ARHGAP8: variants seen among roughly 807,000 people sequenced by gnomAD.
ARHGAP8 encodes the protein rho GTPase-activating protein 8.
Under a neutral mutation model 46.1 loss-of-function variants are expected in ARHGAP8, and 62 were observed. That is an observed-to-expected ratio of 1.34 (90% CI 1.10 to 1.66). ARHGAP8 has a LOEUF of 1.66. ARHGAP8 is among the 40% of genes most tolerant of loss of function. The pLI is 0.00. For synonymous variants in ARHGAP8, 375 were observed against 243.1 expected (o/e 1.54, Z -5.05); for missense variants, 923 against 568.4 (o/e 1.62, Z -6.34).
At chr22:44,779,825 T>C (rs1401228740) in intron 1 of ARHGAP8, among the ~76,000 whole-genome samples, 1 of 152,084 alleles carries the variant, frequency 6.6e-6, no homozygotes. Flanking sequence ...TGCCTCGGCC[T>C]CCAAAGTGCT....
At chr22:44,818,621 C>T (rs1320448033) in intron 5 of ARHGAP8, among the ~76,000 whole-genome samples, 3 of 152,222 alleles carry the variant, frequency 2.0e-5, no homozygotes, top group Non-Finnish European at 4.4e-5. Context: ...GCTGACAAGG[C>T]TATTTAAGTC....
At chr22:44,761,305 G>A (rs949347374) in intron 1 of ARHGAP8, among the ~76,000 whole-genome samples, 1 of 152,172 alleles carries the variant, frequency 6.6e-6, no homozygotes, top group African/African-American at 2.4e-5. Context: ...TCCATATTAT[G>A]GGTTCCTCAT....
chr22:44,815,327 G>T (rs964845570), intron 5 of ARHGAP8, among the ~76,000 whole-genome samples: 5 of 152,158 alleles, frequency 3.3e-5, no homozygotes, highest in Non-Finnish European at 7.4e-5. Flanking sequence ...AGTCATGTAG[G>T]CACGGAGCAT....
chr22:44,861,854 C>G (rs562707301), intron 11 of ARHGAP8, among the ~76,000 whole-genome samples: 3 of 152,182 alleles, frequency 2.0e-5, no homozygotes, highest in Admixed American at 6.5e-5. Flanking sequence ...TCCACTCTCC[C>G]TGCCCCTCGT....
At chr22:44,806,237 C>T (rs1247821674) in intron 3 of ARHGAP8, among the ~76,000 whole-genome samples, 1 of 152,168 alleles carries the variant, frequency 6.6e-6, no homozygotes, top group African/African-American at 2.4e-5. Context: ...GAAAGTGACT[C>T]AATAAAGGAT....
intron 10 of ARHGAP8, among the ~76,000 whole-genome samples, chr22:44,856,567 C>G (rs1210466449): frequency 7.2e-5 from 8 of 111,110 alleles, no homozygotes; most frequent in African/African-American, 2.3e-4. Context: ...AGCCACCGCG[C>G]CCGGCCTGTA....
rs373818379 is a variant in ARHGAP8, at chr22:44,808,660, C to CT, written c.299+230dup. ...CACTCATTTTTTTTTTTCTTTCTTT[C>CT]TTTTTTTTAAGAGACGGTCTCACCC... On this transcript the variant is annotated intron_variant, in intron 4 of 11. Transcript: ENST00000356099. 2.3e-3 allele frequency: 1,985 copies of CT among 853,006 alleles called. 13 individuals are homozygous for CT. Among genetic ancestry groups the CT allele is most frequent in the African/African-American group, 8.8e-3 (516 of 58,894 alleles). 52.8% of individuals were successfully genotyped at this position (853,006 alleles called of 1,614,324 possible). A position where few individuals can be genotyped will look rare whatever the true frequency, so the allele number is the denominator to read the frequency against.
intron 4 of ARHGAP8, among the ~76,000 whole-genome samples, chr22:44,812,457 A>G (rs1282199384): frequency 1.3e-5 from 2 of 151,368 alleles, no homozygotes; most frequent in African/African-American, 4.9e-5. Flanking sequence ...CCTGGGTTCA[A>G]GTGATTCTCC....
chr22:44,779,631 G>A (rs1396796570), intron 1 of ARHGAP8, among the ~76,000 whole-genome samples: 3 of 142,498 alleles, frequency 2.1e-5, no homozygotes, highest in Non-Finnish European at 3.0e-5. Flanking sequence ...GGGTGATCTC[G>A]GCTCACTGCA....
intron 1 of ARHGAP8, among the ~76,000 whole-genome samples, chr22:44,765,581 G>A (rs1925491098): frequency 1.3e-5 from 2 of 152,138 alleles, no homozygotes; most frequent in Admixed American, 6.5e-5. Flanking sequence ...GTCCCCGGCT[G>A]GAAGCTGCCC....
intron 1 of ARHGAP8, among the ~76,000 whole-genome samples, chr22:44,781,948 C>T (rs1195378476): frequency 4.6e-5 from 7 of 152,238 alleles, no homozygotes; most frequent in East Asian, 1.9e-4. Context: ...GATCCTCCCA[C>T]CTCAGCCTCC....
At chr22:44,861,908 C>T (rs73176196) in intron 11 of ARHGAP8, among the ~76,000 whole-genome samples, 608 of 152,248 alleles carry the variant, frequency 4.0e-3, no homozygotes, top group Middle Eastern at 6.8e-3. Context: ...ATGCCCAGTT[C>T]GCCACTCACA....
At chr22:44,834,426 CTG>C (rs1463339116) in intron 7 of ARHGAP8, among the ~76,000 whole-genome samples, 1 of 151,840 alleles carries the variant, frequency 6.6e-6, no homozygotes. Context: ...TTTCACATAT[CTG>C]TTTTTGATTT....
chr22:44,814,849 G>C, intron 5 of ARHGAP8, 91 bp downstream of exon 5: 2 of 1,459,028 alleles, frequency 1.4e-6, no homozygotes, highest in South Asian at 2.4e-5. Flanking sequence ...ACGCATCATG[G>C]AGGGCCCGTC....
At chr22:44,858,252 G>A (rs1208278151) in intron 10 of ARHGAP8, among the ~76,000 whole-genome samples, 1 of 152,210 alleles carries the variant, frequency 6.6e-6, no homozygotes, top group African/African-American at 2.4e-5. Flanking sequence ...TTGGTGTGTT[G>A]GAGGATGTGG....
At chr22:44,811,231 G>A (rs1453745787) in intron 4 of ARHGAP8, among the ~76,000 whole-genome samples, 3 of 152,236 alleles carry the variant, frequency 2.0e-5, no homozygotes, top group East Asian at 1.9e-4. Flanking sequence ...GCCAGTGGTC[G>A]ATGGATGAAA....
rs146015111 is a variant in ARHGAP8, at chr22:44,856,614, C to G, written c.878-3117C>G. 7.9e-3 allele frequency among the ~76,000 whole-genome samples: 919 copies of G among 115,632 alleles called. 97 individuals carry two copies. The highest frequency in any genetic ancestry group is 0.062 in the Admixed American group (815 of 13,052). 75.9% of individuals were successfully genotyped at this position (115,632 alleles called of 152,430 possible). On this transcript the variant is annotated intron_variant, in intron 10 of 11. Transcript: ENST00000356099. ...CTACATCCTGACCATTGGCTGTTCC[C>G]CCAGGCATTTGGAAGCCAAACTGGC...
At chr22:44,780,028 G>A (rs1926730055) in intron 1 of ARHGAP8, among the ~76,000 whole-genome samples, 1 of 152,208 alleles carries the variant, frequency 6.6e-6, no homozygotes, top group African/African-American at 2.4e-5. Context: ...GTGGCAGCAG[G>A]TGTCCCATCT....
At chr22:44,804,694 T>C (rs1469485765) in intron 3 of ARHGAP8, among the ~76,000 whole-genome samples, 1 of 151,004 alleles carries the variant, frequency 6.6e-6, no homozygotes, top group African/African-American at 2.4e-5. Context: ...ACTCAGGGAG[T>C]GGGCTCGACC....
Sources: gnomAD v4.1 joint callset for allele counts (sites outside exome capture counted in the v4.1 genomes callset) on GRCh38, gnomAD v4.1.1 for gene constraint, MANE v1.5 for transcripts, NCBI Gene and HGNC (gene_info 2026-07-23, HGNC 2026-07-21) for gene names.